CPED1: variants seen among roughly 807,000 people sequenced by gnomAD.
CPED1 encodes the protein cadherin like and PC-esterase domain containing 1.
A neutral mutation model predicts 128.2 loss-of-function variants in CPED1; 114 were observed. That is an observed-to-expected ratio of 0.89 (90% CI 0.76 to 1.04). The LOEUF (loss-of-function observed/expected upper bound fraction) is 1.04, where lower values mean the gene tolerates loss of function less well. Ranked by LOEUF, CPED1 falls within the 50% of genes least tolerant of loss-of-function variation. The pLI is 0.00. For missense variants in CPED1, 1,211 were observed against 1,207.1 expected (o/e 1.00, Z -0.05); for synonymous variants, 462 against 426.7 (o/e 1.08, Z -1.02).
At chr7:121,199,356 G>T (rs1019505697) in intron 16 of CPED1, among the ~76,000 whole-genome samples, 2 of 151,948 alleles carry the variant, frequency 1.3e-5, no homozygotes, top group Non-Finnish European at 2.9e-5. Flanking sequence ...TTTTCATGAG[G>T]TATATGGTCT....
At chr7:121,223,908 A>T (rs1584610482) in intron 16 of CPED1, among the ~76,000 whole-genome samples, 2 of 150,250 alleles carry the variant, frequency 1.3e-5, no homozygotes, top group South Asian at 2.1e-4. Flanking sequence ...TGAAAAAAAC[A>T]GCTTCTGGAT....
chr7:121,029,492 T>C (rs1792677674), intron 3 of CPED1, among the ~76,000 whole-genome samples: 1 of 152,212 alleles, frequency 6.6e-6, no homozygotes, highest in Non-Finnish European at 1.5e-5. Context: ...TGTGTCATAT[T>C]AGAAATGCTG....
chr7:121,058,214 G>A (rs1414649050), intron 4 of CPED1, among the ~76,000 whole-genome samples: 2 of 152,166 alleles, frequency 1.3e-5, no homozygotes, highest in Non-Finnish European at 2.9e-5. Flanking sequence ...TTGTTAAGTG[G>A]AGAGTAATTG....
intron 7 of CPED1, among the ~76,000 whole-genome samples, chr7:121,116,221 T>G (rs1795231655): frequency 1.3e-5 from 2 of 152,312 alleles, no homozygotes; most frequent in South Asian, 4.1e-4. Flanking sequence ...TGTTAAGAAG[T>G]ACGAATGAGT....
chr7:121,287,529 G>A (rs993265970), intron 22 of CPED1, among the ~76,000 whole-genome samples: 8 of 152,092 alleles, frequency 5.3e-5, no homozygotes, highest in African/African-American at 1.9e-4. Flanking sequence ...TTCCCTGATG[G>A]TAGATTCAAA....
At chr7:121,034,252 T>TTC (rs1792822593) in intron 3 of CPED1, among the ~76,000 whole-genome samples, 1 of 142,586 alleles carries the variant, frequency 7.0e-6, no homozygotes, top group Admixed American at 7.0e-5. Context: ...TTTTTCTTTT[T>TTC]TTTTTTTTTT....
At chr7:121,288,156 A>G (rs958404369) in intron 22 of CPED1, among the ~76,000 whole-genome samples, 1 of 152,246 alleles carries the variant, frequency 6.6e-6, no homozygotes, top group Non-Finnish European at 1.5e-5. Flanking sequence ...ATGCTCCTGG[A>G]TTCAATTCAC....
chr7:121,008,815 C>T lies in CPED1; in HGVS notation c.250-6850C>T, dbSNP rs181551147. On this transcript the variant is annotated intron_variant, in intron 2 of 22. Coordinates refer to ENST00000310396, the MANE Select transcript of CPED1 (RefSeq NM_024913.5). ...GGATAGGGTGCTTCACTGTTGCATT[C>T]CCAGACCCTAAGACCATGCCTGTTA... 1.3e-4 allele frequency among the ~76,000 whole-genome samples: 19 copies of T among 151,992 alleles called. No individual in the cohort carries two copies. In the East Asian group the frequency reaches 3.1e-3, roughly 25 times the overall value.
At chr7:121,046,514 G>T (rs1366060526) in intron 3 of CPED1, among the ~76,000 whole-genome samples, 1 of 151,764 alleles carries the variant, frequency 6.6e-6, no homozygotes, top group Non-Finnish European at 1.5e-5. Flanking sequence ...TATCTTAAAA[G>T]ATTTTATTAT....
At chr7:121,017,095 G>A (rs957094056) in intron 3 of CPED1, among the ~76,000 whole-genome samples, 1 of 152,196 alleles carries the variant, frequency 6.6e-6, no homozygotes, top group Non-Finnish European at 1.5e-5. Flanking sequence ...CTACTTAGAA[G>A]AAACTCTGAG....
chr7:121,228,146 C>G (rs1363031348), intron 16 of CPED1, among the ~76,000 whole-genome samples: 1 of 151,932 alleles, frequency 6.6e-6, no homozygotes, highest in Non-Finnish European at 1.5e-5. Flanking sequence ...CAAAAATAGA[C>G]TAAGAAGACT....
At chr7:121,145,389 A>C (rs892587673) in intron 16 of CPED1, among the ~76,000 whole-genome samples, 1 of 152,100 alleles carries the variant, frequency 6.6e-6, no homozygotes, top group African/African-American at 2.4e-5. Flanking sequence ...ATTGCAGAAA[A>C]GTATGTTGGT....
chr7:121,046,845 C>T, intron 3 of CPED1, 42 bp from the exon 4 acceptor site: 2 of 1,266,078 alleles, frequency 1.6e-6, no homozygotes, highest in Non-Finnish European at 2.2e-6. Context: ...TTTAAAATAT[C>T]TGATGAAAAC....
chr7:121,080,311 G>T (rs1032652671), intron 5 of CPED1, among the ~76,000 whole-genome samples: 2 of 152,082 alleles, frequency 1.3e-5, no homozygotes, highest in Non-Finnish European at 2.9e-5. Context: ...ACAATTGTTT[G>T]GATCTTCCTC....
In CPED1 at chr7:121,036,487, G is replaced by GTA. The variant is rs1792892069; in HGVS notation, c.434-10399_434-10398insAT. On this transcript the variant is annotated intron_variant, in intron 3 of 22. Transcript: ENST00000310396. ...ATGGTTGGGTAGTATTCCATGGTGTGTGTATATATATATATATATATTTTT... is the reference window on the plus strand; with the variant it reads ...ATGGTTGGGTAGTATTCCATGGTGTGTATGTATATATATATATATATATTTTT... Among the ~76,000 whole-genome samples, 4 of 124,680 alleles carry GTA rather than the reference G, an allele frequency of 3.2e-5. No individual in the cohort carries two copies. The South Asian group carries it at 1.0e-3, about 32-fold the overall frequency. 81.8% of individuals were successfully genotyped at this position (124,680 alleles called of 152,430 possible).
At chr7:121,078,514 A>G (rs1794195444) in intron 5 of CPED1, among the ~76,000 whole-genome samples, 1 of 151,628 alleles carries the variant, frequency 6.6e-6, no homozygotes, top group Non-Finnish European at 1.5e-5. Context: ...AAAAAAAAAA[A>G]AAAAAAAAAA....
chr7:121,068,233 C>T (rs1435758072), intron 5 of CPED1, among the ~76,000 whole-genome samples: 2 of 152,038 alleles, frequency 1.3e-5, no homozygotes, highest in Admixed American at 6.6e-5. Flanking sequence ...TCTTCTAGTG[C>T]TTTTATGGTT....
intron 4 of CPED1, among the ~76,000 whole-genome samples, chr7:121,057,242 T>G (rs1240422562): frequency 6.6e-6 from 1 of 152,224 alleles, no homozygotes; most frequent in East Asian, 1.9e-4. Flanking sequence ...CCTCCCAAAG[T>G]GCTGGGATTA....
chr7:121,151,409 A>C (rs1310930632), intron 16 of CPED1, among the ~76,000 whole-genome samples: 1 of 152,216 alleles, frequency 6.6e-6, no homozygotes, highest in Non-Finnish European at 1.5e-5. Context: ...CAGTTTATTG[A>C]GCACTTGCTT....
Sources: gnomAD v4.1 joint callset for allele counts (sites outside exome capture counted in the v4.1 genomes callset) on GRCh38, gnomAD v4.1.1 for gene constraint, MANE v1.5 for transcripts, NCBI Gene and HGNC (gene_info 2026-07-23, HGNC 2026-07-21) for gene names.